The following IQGAP2 variants were observed in gnomAD, a reference collection of about 807,000 sequenced individuals.
The protein encoded by IQGAP2 is IQ motif containing GTPase activating protein 2, also known as ras GTPase-activating-like protein IQGAP2.
Under a neutral mutation model 201.3 loss-of-function variants are expected in IQGAP2, and 173 were observed. That is an observed-to-expected ratio of 0.86 (90% CI 0.76 to 0.98). The LOEUF (loss-of-function observed/expected upper bound fraction) is 0.98. Among genes scored for constraint, IQGAP2 ranks in the 50% least tolerant of loss-of-function variants. The probability of loss-of-function intolerance (pLI) is 0.00; values close to 1 mark genes in which losing one functional copy is unlikely to be tolerated. For missense variants in IQGAP2, 1,687 were observed against 1,864.8 expected (o/e 0.90, Z 1.76); for synonymous variants, 675 against 673.9 (o/e 1.00, Z -0.03).
At chr5:76,654,364 G>A in intron 19 of IQGAP2, 93 bp downstream of exon 19, 1 of 808,998 alleles carries the variant, frequency 1.2e-6, no homozygotes. Flanking sequence ...TTTATTGAAT[G>A]GTGAACATGA....
At chr5:76,472,854 G>T (rs1474750307) in intron 2 of IQGAP2, among the ~76,000 whole-genome samples, 5 of 152,182 alleles carry the variant, frequency 3.3e-5, no homozygotes, top group African/African-American at 1.2e-4. Context: ...TTGGAAACCT[G>T]GGAGAGGTTT....
intron 13 of IQGAP2, among the ~76,000 whole-genome samples, chr5:76,614,950 A>G (rs1353173542): frequency 6.6e-6 from 1 of 152,204 alleles, no homozygotes; most frequent in Non-Finnish European, 1.5e-5. Flanking sequence ...ATGGCTGCCC[A>G]GTTTTGTCAA....
intron 28 of IQGAP2, among the ~76,000 whole-genome samples, chr5:76,680,794 TAA>T (rs755958579): frequency 7.0e-4 from 81 of 115,472 alleles, no homozygotes; most frequent in Middle Eastern, 4.2e-3. Context: ...TTGTCTCATT[TAA>T]AAAAAAAAAA....
chr5:76,669,592 G>A (rs962837411), intron 23 of IQGAP2, among the ~76,000 whole-genome samples: 1 of 152,178 alleles, frequency 6.6e-6, no homozygotes, highest in Admixed American at 6.5e-5. Flanking sequence ...AAGAGGAGGT[G>A]CTTGACCTAA....
chr5:76,545,159 A>C (rs1304706049), intron 2 of IQGAP2, among the ~76,000 whole-genome samples: 4 of 152,194 alleles, frequency 2.6e-5, no homozygotes, highest in African/African-American at 9.7e-5. Context: ...CGATATGATT[A>C]AATATTTCTT....
rs748179603 is a variant in IQGAP2 at position 76,575,800 on chromosome 5, T to G, written c.458+31T>G. 5 of 1,271,130 alleles carry G rather than the reference T, an allele frequency of 3.9e-6. No individual in the cohort carries two copies. The South Asian group carries it at 7.4e-5, about 19-fold the overall frequency. 78.7% of individuals were successfully genotyped at this position (1,271,130 alleles called of 1,614,324 possible). ...GGGAAAATGCAGCTAAAAGGTGCTC[T>G]AAGAAGTAGATTTAAATAAAACTAA... On this transcript the variant is annotated intron_variant, in intron 5 of 35. Transcript: ENST00000274364.
chr5:76,610,479 A>G (rs1748289838), intron 12 of IQGAP2, among the ~76,000 whole-genome samples: 1 of 151,810 alleles, frequency 6.6e-6, no homozygotes, highest in Non-Finnish European at 1.5e-5. Flanking sequence ...GAGGCACAAG[A>G]ATCACTTGAA....
At chr5:76,706,387 G>A (rs576537045) in intron 35 of IQGAP2, among the ~76,000 whole-genome samples, 12 of 151,902 alleles carry the variant, frequency 7.9e-5, no homozygotes, top group South Asian at 4.2e-4. Flanking sequence ...TTTCTCTGTC[G>A]CTGAGGCTGG....
chr5:76,411,231 T>G lies in IQGAP2; in HGVS notation c.46+7640T>G, dbSNP rs190108084. Among the ~76,000 whole-genome samples, 20 of 152,288 alleles carry G rather than the reference T, an allele frequency of 1.3e-4. No individual in the cohort carries two copies. The Middle Eastern group carries it at 0.01, about 78-fold the overall frequency. ...AGTTACTCTTCACAGTGCTTGCAGG[T>G]TTTTGTCAAGTAAGTGAAAACACAT... is the stretch of plus-strand genomic sequence containing the variant. On this transcript the variant is annotated intron_variant, in intron 1 of 35. Transcript: ENST00000274364.
At chr5:76,491,519 G>T (rs1756537298) in intron 2 of IQGAP2, among the ~76,000 whole-genome samples, 1 of 151,904 alleles carries the variant, frequency 6.6e-6, no homozygotes, top group African/African-American at 2.4e-5. Context: ...TTCCAGGCTG[G>T]TCTCAAACTC....
intron 2 of IQGAP2, among the ~76,000 whole-genome samples, chr5:76,504,668 C>T (rs954387504): frequency 2.0e-5 from 3 of 151,968 alleles, no homozygotes; most frequent in African/African-American, 4.8e-5. Flanking sequence ...TATTTTGTAA[C>T]CCTCCCTCCT....
intron 5 of IQGAP2, among the ~76,000 whole-genome samples, 170 bp downstream of exon 5, chr5:76,575,939 C>T (rs1472061703): frequency 6.6e-6 from 1 of 152,112 alleles, no homozygotes; most frequent in East Asian, 1.9e-4. Flanking sequence ...CACATATAAG[C>T]AATTCTTGAA....
At chr5:76,545,899 A>C (rs1265109889) in intron 2 of IQGAP2, among the ~76,000 whole-genome samples, 1 of 152,214 alleles carries the variant, frequency 6.6e-6, no homozygotes, top group Non-Finnish European at 1.5e-5. Flanking sequence ...CATTTATATA[A>C]TCAGTTATTA....
intron 2 of IQGAP2, among the ~76,000 whole-genome samples, chr5:76,474,773 T>A (rs1423540486): frequency 2.0e-5 from 3 of 152,172 alleles, no homozygotes; most frequent in Non-Finnish European, 4.4e-5. Flanking sequence ...CCTGACCCTA[T>A]AAGGCCATCT....
At position 76,602,807 on chromosome 5, in the gene IQGAP2, C is replaced by T. The variant is rs1252275862; in HGVS notation, c.1232+1835C>T. ...AACACGGCTCTGTCCAGGGCCTCTC[C>T]CCATAGAGTGCAGGTTCTTCATAGC... On this transcript the variant is annotated intron_variant, in intron 11 of 35. Transcript: ENST00000274364. Among the ~76,000 whole-genome samples, 6 of 152,184 alleles carry T rather than the reference C, an allele frequency of 3.9e-5. No homozygotes were observed. In the South Asian group the frequency reaches 6.2e-4, roughly 16 times the overall value.
chr5:76,471,277 T>C (rs1235493775), intron 2 of IQGAP2, among the ~76,000 whole-genome samples: 1 of 151,646 alleles, frequency 6.6e-6, no homozygotes, highest in African/African-American at 2.4e-5. Context: ...CCTGTGATAT[T>C]ATATTCCTTT....
At chr5:76,552,965 T>C (rs920071186) in intron 2 of IQGAP2, among the ~76,000 whole-genome samples, 1 of 152,340 alleles carries the variant, frequency 6.6e-6, no homozygotes, top group Non-Finnish European at 1.5e-5. Context: ...GCAAAAATTT[T>C]ACTAAAGAAA....
At chr5:76,687,740 C>CTAA (rs1277405693) in intron 30 of IQGAP2, among the ~76,000 whole-genome samples, 16 of 152,160 alleles carry the variant, frequency 1.1e-4, no homozygotes, top group Admixed American at 1.0e-3. Flanking sequence ...TTATGAGAAT[C>CTAA]TAATGCCTGA....
chr5:76,431,311 TAAATATAA>T (rs949749160), intron 1 of IQGAP2, among the ~76,000 whole-genome samples: 13 of 151,946 alleles, frequency 8.6e-5, no homozygotes, highest in African/African-American at 2.7e-4. Flanking sequence ...ATTTAATTTA[TAAATATAA>T]AAATATAAAA....
Sources: allele counts gnomAD v4.1 joint callset (sites outside exome capture counted in the v4.1 genomes callset), GRCh38; gene constraint gnomAD v4.1.1; transcripts MANE v1.5; gene names NCBI Gene and HGNC (gene_info 2026-07-23, HGNC 2026-07-21).